Variants in TCTN1 observed in about 807,000 individuals in gnomAD.
TCTN1 encodes the protein tectonic family member 1, also known as tectonic-1.
A neutral mutation model predicts 65.8 loss-of-function variants in TCTN1; 58 were observed. That is an observed-to-expected ratio of 0.88 (90% CI 0.71 to 1.10). The LOEUF (loss-of-function observed/expected upper bound fraction) is 1.10. Ranked by LOEUF, TCTN1 falls within the 50% of genes least tolerant of loss-of-function variation. The pLI is 0.00. For missense variants in TCTN1, 645 were observed against 719.4 expected (o/e 0.90, Z 1.18); for synonymous variants, 273 against 289.1 (o/e 0.94, Z 0.57).
chr12:110,620,687 A>G (rs1490715761), intron 2 of TCTN1, among the ~76,000 whole-genome samples: 1 of 152,164 alleles, frequency 6.6e-6, no homozygotes, highest in Admixed American at 6.6e-5. Flanking sequence ...TGATATGTAA[A>G]TCTACCAGGA....
rs956300277 is a variant in TCTN1 at position 110,619,710 on chromosome 12, A to C, written c.221-126A>C. 4.1e-6 allele frequency: 6 copies of C among 1,475,108 alleles called. No homozygotes were observed. In the African/African-American group the frequency reaches 6.9e-5, roughly 17 times the overall value. The allele number at this position is 1,475,108 out of a possible 1,614,324, so 91.4% of individuals were successfully genotyped here. On this transcript the variant is annotated intron_variant, in intron 1 of 14. Transcript: ENST00000397659. ...ATTTCCACTTCACAAATTTCCCCCA[A>C]AGTGCAATAGGAAAAATAAAATGGA...
chr12:110,646,764 C>A, intron 12 of TCTN1: 4 of 228,532 alleles, frequency 1.8e-5, no homozygotes, highest in South Asian at 5.6e-5. Context: ...TTAAATTTCC[C>A]CTTAGAGCAT....
At chr12:110,615,315 G>A (rs536118811) in intron 1 of TCTN1, among the ~76,000 whole-genome samples, 26 of 152,076 alleles carry the variant, frequency 1.7e-4, no homozygotes, top group Non-Finnish European at 3.7e-4. Flanking sequence ...ACTGTGACCC[G>A]CTAAGATTGA....
At position 110,628,844 on chromosome 12, in the gene TCTN1, G is replaced by A. The variant is rs1263110487; in HGVS notation, c.550G>A (p.Gly184Ser). ...NFDTLMKTSD[G>S]FTLNAESYVS... The stretch of plus-strand genomic sequence containing the variant: ...TGATACATTGATGAAAACATCTGAT[G>A]GTTTTACATTGAATGCTGAATCATA... Residue 184 changes from glycine to serine, a missense_variant, in exon 4 of 15, where the codon GGT becomes AGT. Transcript: ENST00000397659. 4.3e-6 allele frequency: 7 copies of A among 1,613,156 alleles called. No individual in the cohort carries two copies. In the African/African-American group the frequency reaches 5.3e-5, roughly 12 times the overall value.
intron 1 of TCTN1, among the ~76,000 whole-genome samples, chr12:110,617,509 T>A (rs561516288): frequency 9.9e-5 from 15 of 151,950 alleles, no homozygotes; most frequent in African/African-American, 3.6e-4. Context: ...GTATTTTTAG[T>A]AGAGATGGGG....
chr12:110,647,158 C>A (rs2067377840), intron 12 of TCTN1, 38 bp from the exon 13 acceptor site: 1 of 1,613,542 alleles, frequency 6.2e-7, no homozygotes, highest in African/African-American at 1.3e-5. Context: ...CAGATTAAGT[C>A]TGACTTGCAG....
chr12:110,639,641 G>A lies in TCTN1; in HGVS notation c.844-742G>A, dbSNP rs1291700937. On this transcript the variant is annotated intron_variant, in intron 7 of 14. Transcript: ENST00000397659. This position sits in a 1 kb window ranked among gnomAD's most constrained non-coding sequence, Gnocchi z 4.9. The stretch of plus-strand genomic sequence containing the variant: ...GAGGTGAGGATATATATGTGTGCTT[G>A]ACAGTGTGATGGAGTTTTGTGTGTA... Among the ~76,000 whole-genome samples, 1 of 152,086 alleles carries A rather than the reference G, an allele frequency of 6.6e-6. No individual in the cohort carries two copies. Among genetic ancestry groups the A allele is most frequent in the Admixed American group, 6.6e-5 (1 of 15,258 alleles).
chr12:110,634,168 A>G lies in TCTN1; in HGVS notation c.713-502A>G, dbSNP rs1372460704. ...TCCAAAAGGGGAAAGAAATAATAAT[A>G]AAAATATATGTATGTTTTTTACACA... On this transcript the variant is annotated intron_variant, in intron 5 of 14. Coordinates refer to ENST00000397659, the MANE Select transcript of TCTN1 (RefSeq NM_001082538.3). Among the ~76,000 whole-genome samples, 7 of 152,210 alleles carry G rather than the reference A, an allele frequency of 4.6e-5. No individual in the cohort carries two copies. The East Asian group carries it at 1.3e-3, about 29-fold the overall frequency.
chr12:110,641,827 G>A (rs1485886143), intron 10 of TCTN1, 200 bp downstream of exon 10: 2 of 600,510 alleles, frequency 3.3e-6, no homozygotes, highest in African/African-American at 3.7e-5. Flanking sequence ...GGCAGTTGGG[G>A]GTGAGACAGC....
rs2065852243 is a variant in TCTN1 at position 110,626,507 on chromosome 12, T to C, written c.472+15T>C. 1 of 1,608,276 alleles carries C rather than the reference T, an allele frequency of 6.2e-7. No homozygotes were observed. The highest frequency in any genetic ancestry group is 1.7e-5 in the Admixed American group (1 of 59,766). Reference sequence around the variant, plus strand: ...TATTACAAACTGTAAGTATTTGACATTGATATATTTTGTGAAGCTCTGGAA... The same window carrying C: ...TATTACAAACTGTAAGTATTTGACACTGATATATTTTGTGAAGCTCTGGAA... On this transcript the variant is annotated intron_variant, in intron 3 of 14. Coordinates refer to ENST00000397659, the MANE Select transcript of TCTN1 (RefSeq NM_001082538.3).
At chr12:110,648,871 A>C (rs2067619606) in intron 14 of TCTN1, 172 bp from the exon 15 acceptor site, 2 of 381,138 alleles carry the variant, frequency 5.2e-6, no homozygotes, top group Admixed American at 8.0e-5. Flanking sequence ...GTCAGGTGGC[A>C]GAAAACAATG....
At chr12:110,625,072 T>C (rs1409184255) in intron 2 of TCTN1, among the ~76,000 whole-genome samples, 1 of 152,226 alleles carries the variant, frequency 6.6e-6, no homozygotes, top group Non-Finnish European at 1.5e-5. Context: ...GAAGACAGCT[T>C]TATTCTAAAG....
intron 10 of TCTN1, 179 bp from the exon 11 acceptor site, chr12:110,642,070 A>G (rs2066994789): frequency 1.4e-6 from 1 of 733,670 alleles, no homozygotes; most frequent in African/African-American, 1.8e-5. Flanking sequence ...CTGAGAATCC[A>G]TTTATTAAGG....
Position 110,640,620 on chromosome 12 carries a change from A to G in TCTN1, c.978+103A>G. On this transcript the variant is annotated intron_variant, in intron 8 of 14. Coordinates refer to ENST00000397659, the MANE Select transcript of TCTN1 (RefSeq NM_001082538.3). This position sits in a 1 kb window ranked among gnomAD's most constrained non-coding sequence, Gnocchi z 4.9. ...CTCCGAGGACGCTCTGTCCCAGCCC[A>G]TGGTGTGGCTTTTCTTGGCTCAGCT... The G allele has an allele frequency of 7.1e-6, 11 of 1,556,720 alleles. No homozygotes were observed. Among genetic ancestry groups the G allele is most frequent in the South Asian group, 2.3e-5 (2 of 88,880 alleles).
At chr12:110,628,055 A>G (rs2135996728) in intron 3 of TCTN1, 1 of 1,535,806 alleles carries the variant, frequency 6.5e-7, no homozygotes, top group Non-Finnish European at 8.7e-7. Context: ...TACACAGCAC[A>G]TTTTACTCCA....
chr12:110,628,465 C>T (rs764493321), intron 3 of TCTN1, among the ~76,000 whole-genome samples: 23 of 151,948 alleles, frequency 1.5e-4, no homozygotes, highest in African/African-American at 4.8e-4. Context: ...CTCAGCCTCC[C>T]GAGTAGCTGG....
rs1173617488 is a variant in TCTN1 at position 110,647,290 on chromosome 12, A to G, written c.1589A>G (p.Lys530Arg). The G allele has an allele frequency of 6.2e-7, 1 of 1,614,220 alleles. No homozygotes were observed. The highest frequency in any genetic ancestry group is 8.5e-7 in the Non-Finnish European group (1 of 1,180,042). ...KYGSLLNPQA[K>R]IVNVTANLIS... ...GGATCCCTGCTGAATCCACAGGCCA[A>G]AATAGTCAATGTAACTGCAAATCTA... Residue 530 changes from lysine to arginine, a missense_variant, in exon 13 of 15, where the codon AAA becomes AGA. Physicochemically the swap from Lys to Arg is conservative, Grantham distance 26 (BLOSUM62 2). Transcript: ENST00000397659.
chr12:110,620,277 G>A lies in TCTN1; in HGVS notation c.341+321G>A, dbSNP rs2065329695. ...AAAAAAATTAGCCGGGCATGTTGGC[G>A]GGCACCTGTGGTCCCAGCTACTCGG... On this transcript the variant is annotated intron_variant, in intron 2 of 14. Coordinates refer to ENST00000397659, the MANE Select transcript of TCTN1 (RefSeq NM_001082538.3). Among the ~76,000 whole-genome samples the A allele has an allele frequency of 2.0e-5, 3 of 152,056 alleles. No homozygotes were observed. The South Asian group carries it at 6.2e-4, about 32-fold the overall frequency.
rs117967739 is a variant in TCTN1, at chr12:110,641,672, A to G, written c.1190+45A>G. On this transcript the variant is annotated intron_variant, in intron 10 of 14. Coordinates refer to ENST00000397659, the MANE Select transcript of TCTN1 (RefSeq NM_001082538.3). The stretch of plus-strand genomic sequence containing the variant: ...AGAGGGTGGATTTATTTCTCTCTCC[A>G]TGTGCGTGGGCTGCACTGCTCTTTA... 8,118 of 1,567,420 alleles carry G rather than the reference A, an allele frequency of 5.2e-3. 27 individuals are homozygous for G. The highest frequency in any genetic ancestry group is 6.4e-3 in the Non-Finnish European group (7,332 of 1,137,566).
Sources: allele counts gnomAD v4.1 joint callset (sites outside exome capture counted in the v4.1 genomes callset), GRCh38; gene constraint gnomAD v4.1.1; non-coding constraint Gnocchi (gnomAD v3.1); transcripts MANE v1.5; gene names NCBI Gene and HGNC (gene_info 2026-07-23, HGNC 2026-07-21).